The following BMP2 variants were observed in gnomAD, a reference collection of about 807,000 sequenced individuals.
BMP2 encodes the protein bone morphogenetic protein 2, also known as bone morphogenetic protein 2A.
A neutral mutation model predicts 28.8 loss-of-function variants in BMP2; 2 were observed. That is an observed-to-expected ratio of 0.07 (90% confidence interval 0.03 to 0.22). The LOEUF (loss-of-function observed/expected upper bound fraction) is 0.22. Ranked by LOEUF, BMP2 falls within the 10% of genes least tolerant of loss-of-function variation. The pLI is 1.00. For synonymous variants in BMP2, 218 were observed against 204.3 expected (o/e 1.07, Z -0.57); for missense variants, 437 against 517.7 (o/e 0.84, Z 1.51).
chr20:6,775,403 G>C (rs1186694195), intron 2 of BMP2, among the ~76,000 whole-genome samples: 2 of 152,150 alleles, frequency 1.3e-5, no homozygotes, highest in African/African-American at 4.8e-5. Context: ...TCTGCAACCA[G>C]GGGTGTTGCA....
At position 6,768,875 on chromosome 20, in the gene BMP2, G is replaced by C. The variant is rs2073182391; in HGVS notation, c.-8G>C. 1.3e-5 allele frequency: 5 copies of C among 398,582 alleles called. No homozygotes were observed. The highest frequency in any genetic ancestry group is 1.8e-5 in the Non-Finnish European group (4 of 226,182). The allele number at this position is 398,582 out of a possible 1,614,324, so 24.7% of individuals were successfully genotyped here. A position where few individuals can be genotyped will look rare whatever the true frequency, so the allele number is the denominator to read the frequency against. Reference sequence around the variant, plus strand: ...CTTAGACGGACTGCGGTCTCCTAAAGGTAGAGGACGCGGGCCAGGGCCCGG... The same window carrying C: ...CTTAGACGGACTGCGGTCTCCTAAACGTAGAGGACGCGGGCCAGGGCCCGG... On this transcript the variant is annotated splice_region_variant and 5_prime_UTR_variant, in exon 1 of 3. Transcript: ENST00000378827.
chr20:6,769,251 G>A (rs529118444), intron 1 of BMP2, among the ~76,000 whole-genome samples: 3 of 152,208 alleles, frequency 2.0e-5, no homozygotes, highest in African/African-American at 7.2e-5. Context: ...GAACCTGTCC[G>A]CTCTGCCATG....
chr20:6,773,052 T>G (rs1480059833), intron 2 of BMP2, among the ~76,000 whole-genome samples: 2 of 152,228 alleles, frequency 1.3e-5, no homozygotes, highest in Non-Finnish European at 2.9e-5. Flanking sequence ...TATGCTTTTT[T>G]GTCAGATGGG....
rs1986286849 is a variant in BMP2, at chr20:6,768,016, A to G, written c.-867A>G. 2.5e-6 allele frequency: 1 copy of G among 397,740 alleles called. No individual in the cohort carries two copies. The highest frequency in any genetic ancestry group is 4.4e-6 in the Non-Finnish European group (1 of 225,678). 24.6% of individuals were successfully genotyped at this position (397,740 alleles called of 1,614,324 possible). On this transcript the variant is annotated 5_prime_UTR_variant, in exon 1 of 3. Coordinates refer to ENST00000378827, the MANE Select transcript of BMP2 (RefSeq NM_001200.4). The stretch of plus-strand genomic sequence containing the variant: ...GCCGGGGACTCCGGAGCCGATCCCT[A>G]GCGCCGCGATGCGGAGCACCTACTG...
In BMP2 at chr20:6,778,696, T is replaced by C. The variant is rs780268727; in HGVS notation, c.798T>C (p.Thr266=). The C allele has an allele frequency of 6.2e-7, 1 of 1,613,984 alleles. No individual in the cohort carries two copies. Among genetic ancestry groups the C allele is most frequent in the African/African-American group, 1.3e-5 (1 of 74,918 alleles). ...CACAGATAAGGCCATTGCTAGTAACTTTTGGCCATGATGGAAAAGGGCATC... is the reference window on the plus strand; with the variant it reads ...CACAGATAAGGCCATTGCTAGTAACCTTTGGCCATGATGGAAAAGGGCATC... ...SWSQIRPLLV[T]FGHDGKGHPL... Residue 266 remains threonine, a synonymous_variant, in exon 3 of 3, where the codon ACT becomes ACC. Coordinates refer to ENST00000378827, the MANE Select transcript of BMP2 (RefSeq NM_001200.4). The surrounding 1 kb of genome is among the most constrained non-coding windows in gnomAD (Gnocchi z 5.0).
chr20:6,777,933 A>G (rs1396738178), intron 2 of BMP2, among the ~76,000 whole-genome samples: 1 of 151,432 alleles, frequency 6.6e-6, no homozygotes, highest in Non-Finnish European at 1.5e-5. Context: ...GAAATGCTTC[A>G]CCATTTCCCC....
At chr20:6,772,728 A>G (rs1192509322) in intron 2 of BMP2, among the ~76,000 whole-genome samples, 1 of 152,260 alleles carries the variant, frequency 6.6e-6, no homozygotes, top group Non-Finnish European at 1.5e-5. Flanking sequence ...AGATATCATG[A>G]TAGCATTCTT....
Position 6,771,161 on chromosome 20 carries a change from G to GT in BMP2, c.346+698dup, listed in dbSNP as rs1290136238. ...ATAAAAGCGTTTGTAGCAGCTGCCT[G>GT]TTTTTTTTTCATGTGCACCGAAATG... On this transcript the variant is annotated intron_variant, in intron 2 of 2. Transcript: ENST00000378827. 4.0e-5 allele frequency among the ~76,000 whole-genome samples: 6 copies of GT among 149,686 alleles called. No individual in the cohort carries two copies. In the East Asian group the frequency reaches 7.9e-4, roughly 20 times the overall value.
intron 2 of BMP2, among the ~76,000 whole-genome samples, chr20:6,770,745 A>T (rs1986382635): frequency 6.6e-6 from 1 of 152,204 alleles, no homozygotes; most frequent in African/African-American, 2.4e-5. Context: ...AAATCAAGTG[A>T]TGGGGAAGAT....
In BMP2 at chr20:6,770,270, G is replaced by C. The variant is rs1207867223; in HGVS notation, c.144G>C (p.Glu48Asp). Residue 48 changes from glutamate (E) to aspartate (D), a missense_variant, in exon 2 of 3, where the codon GAG (glutamate) becomes GAC (aspartate). Physicochemically the swap from Glu to Asp is conservative, Grantham distance 45. Transcript: ENST00000378827. The part of the protein sequence containing the change: ...SGRPSSQPSD[E>D]VLSEFELRLL... ...GCCCCTCATCCCAGCCCTCTGACGA[G>C]GTCCTGAGCGAGTTCGAGTTGCGGC... 6.2e-7 allele frequency: 1 copy of C among 1,613,022 alleles called. No homozygotes were observed. Among genetic ancestry groups the C allele is most frequent in the Admixed American group, 1.7e-5 (1 of 59,936 alleles).
Position 6,778,804 on chromosome 20 carries a change from C to T in BMP2, c.906C>T (p.Tyr302=), listed in dbSNP as rs374065751. 3.5e-5 allele frequency: 57 copies of T among 1,614,034 alleles called. No homozygotes were observed. Among genetic ancestry groups the T allele is most frequent in the African/African-American group, 6.7e-5 (5 of 74,904 alleles). Residue 302 remains tyrosine, a synonymous_variant, in exon 3 of 3, where the codon TAC becomes TAT. Transcript: ENST00000378827. This position sits in a 1 kb window ranked among gnomAD's most constrained non-coding sequence, Gnocchi z 5.0. The part of the protein sequence containing the change: ...LKSSCKRHPL[Y]VDFSDVGWND... Reference sequence around the variant, plus strand: ...CCAGCTGTAAGAGACACCCTTTGTACGTGGACTTCAGTGACGTGGGGTGGA... The same window carrying T: ...CCAGCTGTAAGAGACACCCTTTGTATGTGGACTTCAGTGACGTGGGGTGGA...
rs183175284 is a variant in BMP2 at position 6,779,120 on chromosome 20, A to G, written c.*31A>G. On this transcript the variant is annotated 3_prime_UTR_variant, in exon 3 of 3. Coordinates refer to ENST00000378827, the MANE Select transcript of BMP2 (RefSeq NM_001200.4). ...CAAAATTAAATACATAAATATATAT[A>G]TATATATATATTTTAGAAAAAAGAA... 1.1e-3 allele frequency: 1,124 copies of G among 1,003,546 alleles called. 12 individuals carry two copies. Among genetic ancestry groups the G allele is most frequent in the South Asian group, 1.4e-3 (30 of 21,040 alleles). The allele number at this position is 1,003,546 out of a possible 1,614,324, so 62.2% of individuals were successfully genotyped here.
At position 6,770,323 on chromosome 20, in the gene BMP2, G is replaced by A; in HGVS notation, c.197G>A (p.Arg66Lys). ...CTCAGCATGTTCGGCCTGAAACAGA[G>A]ACCCACCCCCAGCAGGGACGCCGTG... ...RLLSMFGLKQ[R>K]PTPSRDAVVP... Residue 66 changes from arginine to lysine, a missense_variant, in exon 2 of 3, where the codon AGA (arginine) becomes AAA (lysine). Physicochemically the swap from Arg to Lys is conservative, Grantham distance 26. Coordinates refer to ENST00000378827, the MANE Select transcript of BMP2 (RefSeq NM_001200.4). The A allele has an allele frequency of 1.2e-6, 2 of 1,613,538 alleles. No homozygotes were observed. The highest frequency in any genetic ancestry group is 2.2e-5 in the South Asian group (2 of 91,078).
chr20:6,772,691 C>T (rs60070612), intron 2 of BMP2, among the ~76,000 whole-genome samples: 1,935 of 152,188 alleles, frequency 0.013, 34 homozygotes, highest in African/African-American at 0.043. Context: ...TAGGTGTGAT[C>T]GAATGGTTTG....
intron 1 of BMP2, among the ~76,000 whole-genome samples, chr20:6,769,633 G>GTGTGTGTGTGTGTGTT (rs1555785664): frequency 1.3e-5 from 2 of 151,142 alleles, no homozygotes; most frequent in African/African-American, 4.9e-5. Context: ...GTGTGTGTGT[G>GTGTGTGTGTGTGTGTT]TGTGTGTGTG....
rs1210159504 is a variant in BMP2, at chr20:6,770,087, A to C, written c.-7-33A>C. On this transcript the variant is annotated intron_variant, in intron 1 of 2. Coordinates refer to ENST00000378827, the MANE Select transcript of BMP2 (RefSeq NM_001200.4). ...CGCGAGGGGGGAGGACTGGGCGGGG[A>C]ACTCGGGTGACTCACGTCGGTCCTG... is the stretch of plus-strand genomic sequence containing the variant. The C allele has an allele frequency of 3.3e-6, 5 of 1,498,056 alleles. No homozygotes were observed. The African/African-American group carries it at 5.5e-5, about 17-fold the overall frequency. The allele number at this position is 1,498,056 out of a possible 1,614,324, so 92.8% of individuals were successfully genotyped here.
rs1383793594 is a variant in BMP2 at position 6,779,611 on chromosome 20, C to G, written c.*522C>G. The G allele has an allele frequency of 6.6e-6, 1 of 152,332 alleles. No individual in the cohort carries two copies. Among genetic ancestry groups the G allele is most frequent in the Admixed American group, 6.5e-5 (1 of 15,272 alleles). The allele number at this position is 152,332 out of a possible 1,614,324, so 9.4% of individuals were successfully genotyped here. A position where few individuals can be genotyped will look rare whatever the true frequency, so the allele number is the denominator to read the frequency against. On this transcript the variant is annotated 3_prime_UTR_variant, in exon 3 of 3. Transcript: ENST00000378827. Reference sequence around the variant, plus strand: ...AGTGCTACTGTTGAGTTCACAAGTTCAAGTCCAGAAAAAAAAAGTGGATAA... The same window carrying G: ...AGTGCTACTGTTGAGTTCACAAGTTGAAGTCCAGAAAAAAAAAGTGGATAA...
In BMP2 at chr20:6,768,403, G is replaced by A. The variant is rs1400834654; in HGVS notation, c.-480G>A. The A allele has an allele frequency of 2.5e-6, 1 of 394,248 alleles. No homozygotes were observed. The highest frequency in any genetic ancestry group is 4.5e-6 in the Non-Finnish European group (1 of 223,878). 24.4% of individuals were successfully genotyped at this position (394,248 alleles called of 1,614,324 possible). On this transcript the variant is annotated 5_prime_UTR_variant, in exon 1 of 3. Transcript: ENST00000378827. ...AGCTAGCGCGGAGCGCCCGACCCTCGACCCCCGAGTCCCGGAGCCGGCCCC... is the reference window on the plus strand; with the variant it reads ...AGCTAGCGCGGAGCGCCCGACCCTCAACCCCCGAGTCCCGGAGCCGGCCCC...
chr20:6,778,258 A>G lies in BMP2; in HGVS notation c.360A>G (p.Glu120=), dbSNP rs1462426583. 3 of 1,586,034 alleles carry G rather than the reference A, an allele frequency of 1.9e-6. No individual in the cohort carries two copies. In the Admixed American group the frequency reaches 5.6e-5, roughly 30 times the overall value. ...RSFHHEESLE[E]LPETSGKTTR... Reference sequence around the variant, plus strand: ...CTATCAAATTAGAATCTTTGGAAGAACTACCAGAAACGAGTGGGAAAACAA... The same window carrying G: ...CTATCAAATTAGAATCTTTGGAAGAGCTACCAGAAACGAGTGGGAAAACAA... The change falls in exon 3 of 3, where the codon GAA becomes GAG. Residue 120 remains glutamate, a synonymous_variant. Coordinates refer to ENST00000378827, the MANE Select transcript of BMP2 (RefSeq NM_001200.4). The surrounding 1 kb of genome is among the most constrained non-coding windows in gnomAD (Gnocchi z 5.0).
Sources: gnomAD v4.1 joint callset for allele counts (sites outside exome capture counted in the v4.1 genomes callset) on GRCh38, gnomAD v4.1.1 for gene constraint, Gnocchi (gnomAD v3.1) non-coding constraint, MANE v1.5 for transcripts, NCBI Gene and HGNC (gene_info 2026-07-23, HGNC 2026-07-21) for gene names.